RORA: variants seen among roughly 807,000 people sequenced by gnomAD.
The protein encoded by RORA is nuclear receptor ROR-alpha.
RORA carries 7 observed loss-of-function variants against 69.5 expected under a neutral mutation model. The observed-to-expected ratio is 0.10, with a 90% CI of 0.06 to 0.19. The LOEUF is 0.19. Among genes scored for constraint, RORA ranks in the 10% least tolerant of loss-of-function variants. The probability of loss-of-function intolerance (pLI) is 1.00; values close to 1 mark genes in which losing one functional copy is unlikely to be tolerated. For synonymous variants in RORA, 261 were observed against 240.8 expected, an observed-to-expected ratio of 1.08 and a Z score of -0.78; for missense variants, 457 against 663.0, an observed-to-expected ratio of 0.69 and a Z score of 3.41.
intron 1 of RORA, among the ~76,000 whole-genome samples, chr15:61,086,156 A>T (rs926082933): frequency 1.3e-5 from 2 of 152,230 alleles, no homozygotes; most frequent in Non-Finnish European, 2.9e-5. Flanking sequence ...CAAACTGCAA[A>T]ACCAGAAACC....
chr15:61,026,477 G>C (rs924697368), intron 1 of RORA, among the ~76,000 whole-genome samples: 1 of 152,180 alleles, frequency 6.6e-6, no homozygotes, highest in Non-Finnish European at 1.5e-5. Context: ...GGGTATTTAA[G>C]TGCAAAGTGA....
intron 3 of RORA, chr15:60,520,002 C>CT (rs1429422012): frequency 1.3e-5 from 2 of 152,154 alleles, no homozygotes; most frequent in Non-Finnish European, 2.9e-5. Context: ...AGCTTCCACA[C>CT]TATCTGCTTG....
chr15:60,733,990 A>G (rs2140840704), intron 1 of RORA, among the ~76,000 whole-genome samples: 1 of 151,846 alleles, frequency 6.6e-6, no homozygotes, highest in East Asian at 1.9e-4. Flanking sequence ...GAGGAAAGGA[A>G]TAAGAAATGA....
chr15:60,821,380 G>A (rs1407671143), intron 1 of RORA, among the ~76,000 whole-genome samples: 6 of 152,174 alleles, frequency 3.9e-5, no homozygotes, highest in African/African-American at 7.2e-5. Flanking sequence ...TCTGCTGCCC[G>A]TGTCCTGGCG....
chr15:60,821,910 A>C lies in RORA; in HGVS notation c.167-143224T>G, dbSNP rs988175237. Among the ~76,000 whole-genome samples, 15 of 152,338 alleles carry C rather than the reference A, an allele frequency of 9.8e-5. No homozygotes were observed. In the South Asian group the frequency reaches 1.9e-3, roughly 19 times the overall value. On this transcript the variant is annotated intron_variant, in intron 1 of 10. Transcript: ENST00000335670. Reference sequence around the variant, plus strand: ...AGCATGTGGTCAGCTGAGGATTGGAATCCAGGCAGTCTGACTCCTGAGCCT... The same window carrying C: ...AGCATGTGGTCAGCTGAGGATTGGACTCCAGGCAGTCTGACTCCTGAGCCT...
chr15:61,031,777 T>G (rs918054433), intron 1 of RORA, among the ~76,000 whole-genome samples: 1 of 152,198 alleles, frequency 6.6e-6, no homozygotes, highest in South Asian at 2.1e-4. Context: ...CTGCTATTAC[T>G]TGTTCCACGA....
chr15:60,720,270 A>G lies in RORA; in HGVS notation c.167-41584T>C, dbSNP rs148457198. On this transcript the variant is annotated intron_variant, in intron 1 of 10. Coordinates refer to ENST00000335670, the MANE Select transcript of RORA (RefSeq NM_134261.3). ...ATACATGGGCTGTGATACGGGAGCT[A>G]GCCTGATGCCTCCATTCACCCCACA... Among the ~76,000 whole-genome samples, 557 of 152,316 alleles carry G rather than the reference A, an allele frequency of 3.7e-3. 4 individuals are homozygous for G. Among genetic ancestry groups the G allele is most frequent in the Non-Finnish European group, 3.1e-3 (214 of 68,026 alleles).
At chr15:61,159,199 T>C (rs948134605) in intron 1 of RORA, among the ~76,000 whole-genome samples, 8 of 152,274 alleles carry the variant, frequency 5.3e-5, no homozygotes, top group Admixed American at 1.3e-4. Context: ...ACTTAGCCTA[T>C]ATCAAGAGTC....
chr15:60,901,013 G>A (rs988132415), intron 1 of RORA, among the ~76,000 whole-genome samples: 12 of 152,076 alleles, frequency 7.9e-5, no homozygotes, highest in Non-Finnish European at 1.6e-4. Flanking sequence ...CCTCTCCTTA[G>A]GTGTGTGTGC....
chr15:60,765,322 G>A (rs2071970355), intron 1 of RORA: 1 of 152,012 alleles, frequency 6.6e-6, no homozygotes, highest in African/African-American at 2.4e-5. Flanking sequence ...CACTGAGCCT[G>A]GCCTGGGAGT....
rs1041474813 is a variant in RORA at position 60,496,048 on chromosome 15, T to G, written c.*1407A>C. The G allele has an allele frequency of 1.3e-5, 2 of 152,178 alleles. No individual in the cohort carries two copies. Among genetic ancestry groups the G allele is most frequent in the African/African-American group, 2.4e-5 (1 of 41,434 alleles). 9.4% of individuals were successfully genotyped at this position (152,178 alleles called of 1,614,324 possible). A position where few individuals can be genotyped will look rare whatever the true frequency, so the allele number is the denominator to read the frequency against. On this transcript the variant is annotated 3_prime_UTR_variant, in exon 11 of 11. Coordinates refer to ENST00000335670, the MANE Select transcript of RORA (RefSeq NM_134261.3). This position sits in a 1 kb window ranked among gnomAD's most constrained non-coding sequence, Gnocchi z 4.5. ...TTTAAAGGCTTAAAGTATTTAATAT[T>G]TAAATAAGAGAAACTGGTTCAACAT...
At chr15:60,925,511 T>G (rs1595820598) in intron 1 of RORA, among the ~76,000 whole-genome samples, 1 of 152,174 alleles carries the variant, frequency 6.6e-6, no homozygotes, top group East Asian at 1.9e-4. Flanking sequence ...TAGGCCCAGT[T>G]GTAAAGACTC....
chr15:60,942,405 C>G (rs961182983), intron 1 of RORA, among the ~76,000 whole-genome samples: 6 of 152,188 alleles, frequency 3.9e-5, no homozygotes, highest in Non-Finnish European at 7.3e-5. Context: ...CAAACCAGAA[C>G]CAGGTTTCCG....
chr15:60,969,759 T>C (rs529441364), intron 1 of RORA, among the ~76,000 whole-genome samples: 3 of 152,198 alleles, frequency 2.0e-5, no homozygotes, highest in Non-Finnish European at 4.4e-5. Context: ...GGGAGGGGGT[T>C]TGAGTTCCTG....
chr15:60,980,888 ATTCTT>A (rs1894025146), intron 1 of RORA, among the ~76,000 whole-genome samples: 1 of 151,534 alleles, frequency 6.6e-6, no homozygotes, highest in South Asian at 2.1e-4. Context: ...AATCTTTATT[ATTCTT>A]TTCTTCTGTT....
rs1240833823 is a variant in RORA, at chr15:60,494,387, G to A, written c.*3068C>T. The A allele has an allele frequency of 6.6e-6, 1 of 152,192 alleles. No homozygotes were observed. Among genetic ancestry groups the A allele is most frequent in the Non-Finnish European group, 1.5e-5 (1 of 68,020 alleles). The allele number at this position is 152,192 out of a possible 1,614,324, so 9.4% of individuals were successfully genotyped here. A position where few individuals can be genotyped will look rare whatever the true frequency, so the allele number is the denominator to read the frequency against. On this transcript the variant is annotated 3_prime_UTR_variant, in exon 11 of 11. Coordinates refer to ENST00000335670, the MANE Select transcript of RORA (RefSeq NM_134261.3). ...TTGTACAAAGGCATTGTAGCAGCGG[G>A]GCTGACAGTGATGTGGTTCCAATCC...
chr15:61,223,438 C>T (rs1233011248), intron 1 of RORA, among the ~76,000 whole-genome samples: 1 of 151,606 alleles, frequency 6.6e-6, no homozygotes, highest in Non-Finnish European at 1.5e-5. Flanking sequence ...CTAAAATCAA[C>T]TAATTGAATT....
chr15:60,782,036 C>A (rs962310986), intron 1 of RORA, among the ~76,000 whole-genome samples: 15 of 152,170 alleles, frequency 9.9e-5, no homozygotes, highest in Admixed American at 8.5e-4. Flanking sequence ...ACCATCCTGG[C>A]CAAAATGGTG....
chr15:60,656,434 A>C (rs924879326), intron 2 of RORA, among the ~76,000 whole-genome samples: 1 of 152,240 alleles, frequency 6.6e-6, no homozygotes, highest in Non-Finnish European at 1.5e-5. Flanking sequence ...TAAAAAACTT[A>C]CTAGACAAAG....
Sources: gnomAD v4.1 joint callset for allele counts (sites outside exome capture counted in the v4.1 genomes callset) on GRCh38, gnomAD v4.1.1 for gene constraint, Gnocchi (gnomAD v3.1) non-coding constraint, MANE v1.5 for transcripts, NCBI Gene and HGNC (gene_info 2026-07-23, HGNC 2026-07-21) for gene names.